DACH2: variants seen among roughly 807,000 people sequenced by gnomAD.
DACH2 encodes the protein dachshund homolog 2.
A neutral mutation model predicts 35.8 loss-of-function variants in DACH2; 17 were observed. The ratio of observed to expected loss-of-function variants is 0.48; its 90% confidence interval spans 0.33 to 0.71. DACH2 has a LOEUF of 0.71. DACH2 is among the 30% of genes least tolerant of loss of function. The pLI, the probability that DACH2 is intolerant of heterozygous loss-of-function variation, is 0.02. For missense variants in DACH2, 469 were observed against 472.7 expected, an observed-to-expected ratio of 0.99 and a Z score of 0.07; for synonymous variants, 195 against 177.3, an observed-to-expected ratio of 1.10 and a Z score of -0.79.
At chrX:86,360,901 A>AT (rs1255129016) in intron 1 of DACH2, among the ~76,000 whole-genome samples, 5 of 111,204 alleles carry the variant, frequency 4.5e-5, no homozygotes, top group East Asian at 2.8e-4. Flanking sequence ...CAGAATGTGC[A>AT]TTTTTTTGTT....
chrX:86,519,796 T>G (rs2038524991), intron 3 of DACH2, among the ~76,000 whole-genome samples: 2 of 111,389 alleles, frequency 1.8e-5, no homozygotes, highest in Admixed American at 9.6e-5. Context: ...TTTTTCCTTA[T>G]TAGTCTAGCT....
rs150384214 is a variant in DACH2 at position 86,751,670 on chromosome X, A to G, written c.1240+11788A>G. ...CAATATGTAAATACTGGTGAAGCACACAAAAAACAAGAAGACAGAAGTAAA... is the reference window on the plus strand; with the variant it reads ...CAATATGTAAATACTGGTGAAGCACGCAAAAAACAAGAAGACAGAAGTAAA... On this transcript the variant is annotated intron_variant, in intron 7 of 11. Transcript: ENST00000373125. 9.0e-3 allele frequency among the ~76,000 whole-genome samples: 998 copies of G among 111,335 alleles called. 4 individuals carry two copies. Among genetic ancestry groups the G allele is most frequent in the Admixed American group, 0.022 (227 of 10,392 alleles).
At chrX:86,209,838 A>G (rs1486603120) in intron 1 of DACH2, among the ~76,000 whole-genome samples, 1 of 111,388 alleles carries the variant, frequency 9.0e-6, no homozygotes, top group Non-Finnish European at 1.9e-5. Flanking sequence ...GTACACAAGA[A>G]CAACAGAGTG....
chrX:86,400,506 G>T lies in DACH2; in HGVS notation c.527+23644G>T, dbSNP rs924666875. Among the ~76,000 whole-genome samples the T allele has an allele frequency of 7.2e-4, 80 of 110,968 alleles. 3 individuals are homozygous for T. Among genetic ancestry groups the T allele is most frequent in the Non-Finnish European group, 1.3e-4 (7 of 53,018 alleles). ...TGCTCTGTTTTTTCCCCATCTTTGT[G>T]GTTTTATCTACCTTTGGTCTTTGAT... On this transcript the variant is annotated intron_variant, in intron 2 of 11. Coordinates refer to ENST00000373125, the MANE Select transcript of DACH2 (RefSeq NM_053281.3).
At chrX:86,194,239 A>T (rs1341046688) in intron 1 of DACH2, among the ~76,000 whole-genome samples, 2 of 112,079 alleles carry the variant, frequency 1.8e-5, no homozygotes, top group Non-Finnish European at 3.8e-5. Flanking sequence ...ATAAGTTTGG[A>T]GAATTTAGTA....
intron 3 of DACH2, among the ~76,000 whole-genome samples, chrX:86,637,418 T>G (rs1289512550): frequency 2.7e-5 from 3 of 109,678 alleles, no homozygotes; most frequent in African/African-American, 9.9e-5. Flanking sequence ...AATGGTATTA[T>G]TATGCCCAAA....
chrX:86,679,569 T>G (rs775387569), intron 4 of DACH2, among the ~76,000 whole-genome samples: 1 of 109,792 alleles, frequency 9.1e-6, no homozygotes, highest in African/African-American at 3.3e-5. Context: ...TCGCTTTCAG[T>G]GCCAGGCATA....
intron 1 of DACH2, among the ~76,000 whole-genome samples, chrX:86,193,357 GT>G (rs2031887073): frequency 9.0e-6 from 1 of 111,460 alleles, no homozygotes; most frequent in African/African-American, 3.3e-5. Context: ...AGATAAGCAG[GT>G]TTTACTTAAA....
In DACH2 at chrX:86,450,394, G is replaced by A. The variant is rs183603914; in HGVS notation, c.528-63885G>A. On this transcript the variant is annotated intron_variant, in intron 2 of 11. Coordinates refer to ENST00000373125, the MANE Select transcript of DACH2 (RefSeq NM_053281.3). ...CAACTCCATCCATGTCCCTGAAAAG[G>A]ACATGTTTTTTTTCTTTTTGTGGCT... is the stretch of plus-strand genomic sequence containing the variant. 3.7e-3 allele frequency among the ~76,000 whole-genome samples: 414 copies of A among 111,019 alleles called. 1 individual carries two copies. Among genetic ancestry groups the A allele is most frequent in the Middle Eastern group, 0.018 (4 of 217 alleles).
intron 6 of DACH2, among the ~76,000 whole-genome samples, chrX:86,736,754 T>C (rs771162414): frequency 4.0e-4 from 45 of 111,598 alleles, no homozygotes; most frequent in Middle Eastern, 4.6e-3. Flanking sequence ...GCTGTATATG[T>C]GATTCTGGTT....
At position 86,773,546 on chromosome X, in the gene DACH2, A is replaced by G. The variant is rs188236141; in HGVS notation, c.1240+33664A>G. Among the ~76,000 whole-genome samples, 634 of 112,034 alleles carry G rather than the reference A, an allele frequency of 5.7e-3. 1 individual carries two copies. The highest frequency in any genetic ancestry group is 0.02 in the African/African-American group (610 of 30,947). ...CTTCAAAGTATTTTTTACTATGGTG[A>G]TGTGATCATTTTTACAATTTTATAA... is the stretch of plus-strand genomic sequence containing the variant. On this transcript the variant is annotated intron_variant, in intron 7 of 11. Coordinates refer to ENST00000373125, the MANE Select transcript of DACH2 (RefSeq NM_053281.3).
At chrX:86,380,954 G>T (rs374455044) in intron 2 of DACH2, among the ~76,000 whole-genome samples, 9 of 109,844 alleles carry the variant, frequency 8.2e-5, no homozygotes, top group African/African-American at 3.0e-4. Flanking sequence ...TTAATTGTCC[G>T]TTATACTACC....
At chrX:86,478,798 A>G (rs1279601456) in intron 2 of DACH2, among the ~76,000 whole-genome samples, 1 of 109,739 alleles carries the variant, frequency 9.1e-6, no homozygotes, top group Non-Finnish European at 1.9e-5. Flanking sequence ...GGGAGTGTTT[A>G]CAGCTCCAGA....
intron 1 of DACH2, among the ~76,000 whole-genome samples, chrX:86,251,987 G>A (rs763580024): frequency 1.8e-5 from 2 of 110,857 alleles, no homozygotes; most frequent in East Asian, 5.7e-4. Context: ...TTTTCACTGC[G>A]TCCATGCCAA....
In DACH2 at chrX:86,425,657, TTC is replaced by T. The variant is rs773033674; in HGVS notation, c.527+48797_527+48798del. Reference sequence around the variant, plus strand: ...TGTTTCATGGATTTTTTGTACTGTTTTCTTCATTTCAATTTCACTTATTTCTG... The same window carrying T: ...TGTTTCATGGATTTTTTGTACTGTTTTTCATTTCAATTTCACTTATTTCTG... On this transcript the variant is annotated intron_variant, in intron 2 of 11. Coordinates refer to ENST00000373125, the MANE Select transcript of DACH2 (RefSeq NM_053281.3). Among the ~76,000 whole-genome samples, 32 of 111,453 alleles carry T rather than the reference TTC, an allele frequency of 2.9e-4. No individual in the cohort carries two copies. In the East Asian group the frequency reaches 3.7e-3, roughly 13 times the overall value.
chrX:86,254,781 A>AATAAATATATATAT (rs1293621423), intron 1 of DACH2, among the ~76,000 whole-genome samples: 1 of 22,593 alleles, frequency 4.4e-5, no homozygotes, highest in African/African-American at 1.8e-4. Flanking sequence ...CAAATAAATA[A>AATAAATATATATAT]ATATATATAT....
chrX:86,405,880 G>A (rs1192808868), intron 2 of DACH2, among the ~76,000 whole-genome samples: 1 of 111,758 alleles, frequency 8.9e-6, no homozygotes, highest in African/African-American at 3.3e-5. Context: ...CATGGTGGAA[G>A]GGGAAACAAA....
At chrX:86,313,506 G>A (rs894068375) in intron 1 of DACH2, among the ~76,000 whole-genome samples, 3 of 111,752 alleles carry the variant, frequency 2.7e-5, no homozygotes, top group African/African-American at 3.3e-5. Flanking sequence ...AGAAAACACC[G>A]ACTCAACTTG....
chrX:86,492,048 A>T (rs2038101800), intron 2 of DACH2, among the ~76,000 whole-genome samples: 1 of 111,882 alleles, frequency 8.9e-6, no homozygotes, highest in South Asian at 3.7e-4. Flanking sequence ...TGATTATATA[A>T]GTTTGACTAT....
Sources: allele counts gnomAD v4.1 joint callset (sites outside exome capture counted in the v4.1 genomes callset), GRCh38; gene constraint gnomAD v4.1.1; transcripts MANE v1.5; gene names NCBI Gene and HGNC (gene_info 2026-07-23, HGNC 2026-07-21).